PTPRG: variants seen among roughly 807,000 people sequenced by gnomAD.
PTPRG encodes protein tyrosine phosphatase receptor type G, also known as receptor-type tyrosine-protein phosphatase gamma.
PTPRG carries 102 observed loss-of-function variants against 165.3 expected under a neutral mutation model. The observed-to-expected ratio is 0.62, with a 90% confidence interval of 0.53 to 0.73. PTPRG has a LOEUF of 0.73. Ranked by LOEUF, PTPRG falls within the 30% of genes least tolerant of loss-of-function variation. The pLI, the probability that PTPRG is intolerant of heterozygous loss-of-function variation, is 0.00. For synonymous variants in PTPRG, 675 were observed against 669.5 expected, an observed-to-expected ratio of 1.01 and a Z score of -0.13; for missense variants, 1,866 against 1,861.4, an observed-to-expected ratio of 1.00 and a Z score of -0.05.
chr3:61,848,591 A>G (rs2036871888), intron 2 of PTPRG, among the ~76,000 whole-genome samples: 1 of 152,190 alleles, frequency 6.6e-6, no homozygotes, highest in Non-Finnish European at 1.5e-5. Context: ...ATCTTTTCAT[A>G]TTAGAATTAT....
At chr3:61,588,184 A>G (rs562736818) in intron 1 of PTPRG, among the ~76,000 whole-genome samples, 130 of 151,846 alleles carry the variant, frequency 8.6e-4, no homozygotes, top group Non-Finnish European at 1.7e-3. Flanking sequence ...TTTGCTTTTT[A>G]TTACAGTTAT....
At chr3:62,121,356 T>C (rs1323272008) in intron 5 of PTPRG, among the ~76,000 whole-genome samples, 1 of 152,172 alleles carries the variant, frequency 6.6e-6, no homozygotes, top group Admixed American at 6.5e-5. Flanking sequence ...TTTAATCCTC[T>C]TAACAACCCT....
intron 1 of PTPRG, among the ~76,000 whole-genome samples, chr3:61,698,641 T>C (rs1358495053): frequency 6.6e-6 from 1 of 152,174 alleles, no homozygotes; most frequent in African/African-American, 2.4e-5. Flanking sequence ...TTAAGAATTA[T>C]TGAATAGGAC....
intron 2 of PTPRG, among the ~76,000 whole-genome samples, chr3:61,877,379 G>GT (rs1025881789): frequency 6.6e-6 from 1 of 152,118 alleles, no homozygotes; most frequent in African/African-American, 2.4e-5. Flanking sequence ...TTAATTTAGG[G>GT]TTTTTAACTC....
In PTPRG at chr3:62,293,384, C is replaced by T; in HGVS notation, c.*77C>T. 1 of 1,288,718 alleles carries T rather than the reference C, an allele frequency of 7.8e-7. No individual in the cohort carries two copies. The highest frequency in any genetic ancestry group is 1.0e-6 in the Non-Finnish European group (1 of 962,152). The allele number at this position is 1,288,718 out of a possible 1,614,324, so 79.8% of individuals were successfully genotyped here. Reference sequence around the variant, plus strand: ...TTTTTGAGGCCTTTTTTGCCAGACTCTAGGTTATACAATAACCCAGTTACT... The same window carrying T: ...TTTTTGAGGCCTTTTTTGCCAGACTTTAGGTTATACAATAACCCAGTTACT... On this transcript the variant is annotated 3_prime_UTR_variant, in exon 30 of 30. Transcript: ENST00000474889.
rs904701943 is a variant in PTPRG, at chr3:61,904,420, A to T, written c.191-85205A>T. On this transcript the variant is annotated intron_variant, in intron 2 of 29. Coordinates refer to ENST00000474889, the MANE Select transcript of PTPRG (RefSeq NM_002841.4). ...GTGTTTTTATGTCATTTGACTAACC[A>T]TCTCCCTACAGGCCCAAGCAAATGT... Among the ~76,000 whole-genome samples the T allele has an allele frequency of 3.3e-5, 5 of 152,090 alleles. 1 individual carries two copies.
intron 5 of PTPRG, among the ~76,000 whole-genome samples, chr3:62,102,129 G>A (rs951152047): frequency 2.2e-4 from 34 of 152,062 alleles, no homozygotes; most frequent in Middle Eastern, 3.2e-3. Context: ...GTTCTCACAT[G>A]TAAACTTCCT....
rs147701591 is a variant in PTPRG, at chr3:61,894,133, G to A, written c.191-95492G>A. On this transcript the variant is annotated intron_variant, in intron 2 of 29. Transcript: ENST00000474889. ...AGTCTGGTCAACATGGCAAAACCCC[G>A]TCTCTACTAAAAATGCAAAAATCAG... 7.5e-3 allele frequency among the ~76,000 whole-genome samples: 1,145 copies of A among 151,824 alleles called. 10 individuals carry two copies. Among genetic ancestry groups the A allele is most frequent in the African/African-American group, 0.025 (1,050 of 41,378 alleles).
At chr3:62,022,971 C>T (rs1184539753) in intron 4 of PTPRG, among the ~76,000 whole-genome samples, 5 of 151,658 alleles carry the variant, frequency 3.3e-5, no homozygotes, top group South Asian at 2.1e-4. Context: ...TGTCTTATTG[C>T]GTGTTTATTA....
chr3:61,802,741 C>G (rs887474940), intron 2 of PTPRG, among the ~76,000 whole-genome samples: 1 of 152,028 alleles, frequency 6.6e-6, no homozygotes, highest in African/African-American at 2.4e-5. Flanking sequence ...TGTATGACAC[C>G]AGCTCTGCAG....
intron 4 of PTPRG, among the ~76,000 whole-genome samples, chr3:62,029,126 C>G (rs557389983): frequency 1.3e-5 from 2 of 152,268 alleles, no homozygotes; most frequent in South Asian, 2.1e-4. Context: ...AGTGTCTTCT[C>G]TCACACACAC....
intron 12 of PTPRG, among the ~76,000 whole-genome samples, chr3:62,216,510 A>G (rs538127524): frequency 6.6e-6 from 1 of 152,140 alleles, no homozygotes; most frequent in Non-Finnish European, 1.5e-5. Context: ...ATTGTTTTCC[A>G]TTAACAGGAC....
intron 2 of PTPRG, among the ~76,000 whole-genome samples, chr3:61,832,394 T>C (rs2036325039): frequency 6.6e-6 from 1 of 152,222 alleles, no homozygotes; most frequent in South Asian, 2.1e-4. Context: ...AGATAGGTAC[T>C]GTGATCATCT....
rs1397133108 is a variant in PTPRG, at chr3:62,297,494, AC to A, written c.*4189del. ...TTTGTTCAGGGGGAGGGGTTTTGTA[AC>A]CTGAAATTTTTCCCTTTTTCTTCTG... On this transcript the variant is annotated 3_prime_UTR_variant, in exon 30 of 30. Transcript: ENST00000474889. 5 of 151,290 alleles carry A rather than the reference AC, an allele frequency of 3.3e-5. No individual in the cohort carries two copies. Among genetic ancestry groups the A allele is most frequent in the Admixed American group, 3.3e-4 (5 of 15,168 alleles). 9.4% of individuals were successfully genotyped at this position (151,290 alleles called of 1,614,324 possible). A position where few individuals can be genotyped will look rare whatever the true frequency, so the allele number is the denominator to read the frequency against.
chr3:62,079,648 T>C (rs1173925030), intron 5 of PTPRG, among the ~76,000 whole-genome samples: 3 of 152,192 alleles, frequency 2.0e-5, no homozygotes, highest in Non-Finnish European at 4.4e-5. Flanking sequence ...AATTTGCCCA[T>C]TGTTCTCCAA....
chr3:62,003,010 A>G (rs1461779863), intron 3 of PTPRG, among the ~76,000 whole-genome samples: 2 of 152,242 alleles, frequency 1.3e-5, no homozygotes, highest in African/African-American at 2.4e-5. Flanking sequence ...TGCTCTCTAG[A>G]TGATTTTGAC....
chr3:62,004,735 T>C (rs1189529951), intron 4 of PTPRG, among the ~76,000 whole-genome samples: 1 of 152,240 alleles, frequency 6.6e-6, no homozygotes, highest in Non-Finnish European at 1.5e-5. Context: ...AGCCGATGGC[T>C]GTATTCAAAC....
At chr3:62,242,669 C>T (rs1312096060) in intron 14 of PTPRG, among the ~76,000 whole-genome samples, 5 of 152,198 alleles carry the variant, frequency 3.3e-5, no homozygotes, top group Admixed American at 3.3e-4. Flanking sequence ...TTTTCTCTAA[C>T]CTTCCCAACC....
At chr3:62,067,813 G>A (rs1468481678) in intron 4 of PTPRG, among the ~76,000 whole-genome samples, 1 of 152,184 alleles carries the variant, frequency 6.6e-6, no homozygotes, top group Non-Finnish European at 1.5e-5. Flanking sequence ...AAATACAGAT[G>A]AGGGGGTTAG....
Sources: gnomAD v4.1 joint callset for allele counts (sites outside exome capture counted in the v4.1 genomes callset) on GRCh38, gnomAD v4.1.1 for gene constraint, MANE v1.5 for transcripts, NCBI Gene and HGNC (gene_info 2026-07-23, HGNC 2026-07-21) for gene names.